SMYD5: variants seen among roughly 807,000 people sequenced by gnomAD.
The protein encoded by SMYD5 is SMYD family member 5.
In SMYD5, 35 loss-of-function variants were observed where a neutral mutation model predicts 57.4. That is an observed-to-expected ratio of 0.61 (90% CI 0.47 to 0.81). SMYD5 has a LOEUF of 0.81. SMYD5 is among the 30% of genes least tolerant of loss of function. The probability of loss-of-function intolerance (pLI) is 0.00; values close to 1 mark genes in which losing one functional copy is unlikely to be tolerated. For synonymous variants in SMYD5, 198 were observed against 189.7 expected (o/e 1.04, Z -0.36); for missense variants, 471 against 527.9 (o/e 0.89, Z 1.06).
intron 7 of SMYD5, 79 bp downstream of exon 7, chr2:73,222,896 T>G (rs1399928679): frequency 6.5e-7 from 1 of 1,528,706 alleles, no homozygotes; most frequent in Non-Finnish European, 9.1e-7. Context: ...CATCTCCTAC[T>G]GGGACAGCTG....
At chr2:73,219,867 T>G in intron 2 of SMYD5, 184 bp from the exon 3 acceptor site, 2 of 760,558 alleles carry the variant, frequency 2.6e-6, no homozygotes, top group Non-Finnish European at 4.7e-6. Context: ...TGCCTTGGGA[T>G]GCACATGAAA....
At chr2:73,225,118 G>T in intron 11 of SMYD5, 158 bp downstream of exon 11, 1 of 596,202 alleles carries the variant, frequency 1.7e-6, no homozygotes. Flanking sequence ...TCATGGTTAG[G>T]TTCTAACCCT....
In SMYD5 at chr2:73,220,799, CTCT is replaced by C. The variant is rs139296342; in HGVS notation, c.467+22_467+24del. 892 of 1,613,186 alleles carry C rather than the reference CTCT, an allele frequency of 5.5e-4. 4 individuals carry two copies. In the East Asian group the frequency reaches 0.016, roughly 28 times the overall value. ...GGCATGGAGGTAGGTTTCTTTTCCT[CTCT>C]TCTTTCCTTTATCCTTTCCTCCCTG... On this transcript the variant is annotated intron_variant, in intron 4 of 12. Transcript: ENST00000389501.
chr2:73,220,594 G>T, intron 3 of SMYD5, 67 bp from the exon 4 acceptor site: 1 of 1,578,730 alleles, frequency 6.3e-7, no homozygotes, highest in South Asian at 1.1e-5. Flanking sequence ...TTTGTGGAAG[G>T]AATGCAGTTA....
At position 73,214,434 on chromosome 2, in the gene SMYD5, T is replaced by C. The variant is rs572906950; in HGVS notation, c.96+72T>C. On this transcript the variant is annotated intron_variant, in intron 1 of 12. Coordinates refer to ENST00000389501, the MANE Select transcript of SMYD5 (RefSeq NM_006062.3). Reference sequence around the variant, plus strand: ...ATGGAGACAGCCCGGCCGGACTCCATGCCCGGAGCCCAGAGGCTTCTGTGC... The same window carrying C: ...ATGGAGACAGCCCGGCCGGACTCCACGCCCGGAGCCCAGAGGCTTCTGTGC... The C allele has an allele frequency of 3.7e-6, 6 of 1,606,966 alleles. No homozygotes were observed. The Admixed American group carries it at 8.4e-5, about 22-fold the overall frequency.
Position 73,223,464 on chromosome 2 carries a change from A to T in SMYD5, c.815A>T (p.Glu272Val). Residue 272 changes from glutamate to valine, a missense_variant, in exon 9 of 13, where the codon GAG becomes GTG. Glu to Val is a moderately radical substitution (Grantham distance 121, BLOSUM62 -2). Coordinates refer to ENST00000389501, the MANE Select transcript of SMYD5 (RefSeq NM_006062.3). ...SQWVHACDTL[E>V]LKPQDREQLD... ...TGGGTCCATGCCTGTGACACTCTGG[A>T]GTTGAAGCCTCAGGACCGTGAGCAG... 1 of 1,614,052 alleles carries T rather than the reference A, an allele frequency of 6.2e-7. No homozygotes were observed. Among genetic ancestry groups the T allele is most frequent in the Non-Finnish European group, 8.5e-7 (1 of 1,179,944 alleles).
rs1388768393 is a variant in SMYD5 at position 73,227,134 on chromosome 2, T to A, written c.*1188T>A. 1 of 152,794 alleles carries A rather than the reference T, an allele frequency of 6.5e-6. No individual in the cohort carries two copies. The highest frequency in any genetic ancestry group is 1.5e-5 in the Non-Finnish European group (1 of 68,148). 9.5% of individuals were successfully genotyped at this position (152,794 alleles called of 1,614,324 possible). ...GCCAGGTGAAACCTGTCTGGCCCCT[T>A]ACCCATTGGGTTCTTACTCCTTCAC... is the stretch of plus-strand genomic sequence containing the variant. On this transcript the variant is annotated 3_prime_UTR_variant, in exon 13 of 13. Transcript: ENST00000389501.
At chr2:73,218,595 T>C (rs1018172498) in intron 1 of SMYD5, among the ~76,000 whole-genome samples, 1 of 152,246 alleles carries the variant, frequency 6.6e-6, no homozygotes, top group Non-Finnish European at 1.5e-5. Flanking sequence ...CTCAGTAATC[T>C]GAGATGGCTG....
intron 11 of SMYD5, 58 bp downstream of exon 11, chr2:73,225,018 C>T (rs1226702399): frequency 3.8e-6 from 5 of 1,328,010 alleles, no homozygotes; most frequent in African/African-American, 1.4e-5. Context: ...AAGTTCTCTG[C>T]AGGGATCAGG....
intron 4 of SMYD5, 115 bp from the exon 5 acceptor site, chr2:73,221,050 C>T: frequency 9.9e-7 from 1 of 1,005,398 alleles, no homozygotes; most frequent in Non-Finnish European, 1.6e-6. Context: ...CTATGACTTT[C>T]CTGGTAATTG....
At chr2:73,221,297 C>T (rs757665692) in intron 5 of SMYD5, 63 bp downstream of exon 5, 43 of 1,321,954 alleles carry the variant, frequency 3.3e-5, no homozygotes, top group Non-Finnish European at 4.7e-5. Context: ...TGGTCTCAGT[C>T]TTTTCCTCAC....
chr2:73,226,230 G>A lies in SMYD5; in HGVS notation c.*284G>A. 4.3e-6 allele frequency: 2 copies of A among 459,908 alleles called. No homozygotes were observed. The highest frequency in any genetic ancestry group is 7.7e-6 in the Non-Finnish European group (2 of 258,978). 28.5% of individuals were successfully genotyped at this position (459,908 alleles called of 1,614,324 possible). On this transcript the variant is annotated 3_prime_UTR_variant, in exon 13 of 13. Coordinates refer to ENST00000389501, the MANE Select transcript of SMYD5 (RefSeq NM_006062.3). ...CCTCCACTCTAGGGTTTGAGGGGCT[G>A]GAATCAGGGCCAGGGCCTAACAGTG...
Position 73,214,710 on chromosome 2 carries a change from A to G in SMYD5, c.96+348A>G, listed in dbSNP as rs1249697848. On this transcript the variant is annotated intron_variant, in intron 1 of 12. Transcript: ENST00000389501. ...TGCCGGGCAGAGAGAACTGAGGTGT[A>G]AAAGAGGGAGTCCTCACGAACTTCA... 9 of 1,369,058 alleles carry G rather than the reference A, an allele frequency of 6.6e-6. No homozygotes were observed. In the East Asian group the frequency reaches 1.2e-4, roughly 19 times the overall value. The allele number at this position is 1,369,058 out of a possible 1,614,324, so 84.8% of individuals were successfully genotyped here. A position where few individuals can be genotyped will look rare whatever the true frequency, so the allele number is the denominator to read the frequency against.
chr2:73,224,821 T>C, intron 10 of SMYD5, 45 bp from the exon 11 acceptor site: 4 of 1,365,486 alleles, frequency 2.9e-6, no homozygotes, highest in Non-Finnish European at 4.1e-6. Flanking sequence ...GAGGCTATTA[T>C]TTTTTTTAGT....
intron 4 of SMYD5, 135 bp from the exon 5 acceptor site, chr2:73,221,029 TA>T: frequency 1.1e-6 from 1 of 884,258 alleles, no homozygotes; most frequent in Non-Finnish European, 1.8e-6. Context: ...AAGTCTTGCC[TA>T]AGTCCTTGTC....
intron 1 of SMYD5, chr2:73,214,762 GGA>G: frequency 7.6e-7 from 1 of 1,318,548 alleles, no homozygotes; most frequent in Non-Finnish European, 1.0e-6. Flanking sequence ...GAGGGGATGA[GGA>G]GAGAGGCCAA....
Position 73,225,893 on chromosome 2 carries a change from G to A in SMYD5, c.1204G>A (p.Glu402Lys). The A allele has an allele frequency of 6.2e-7, 1 of 1,614,216 alleles. No homozygotes were observed. ...AGAGGAAGAGGAAGAGGAGGAGGAGGAGGAAGGAGAGCCAGAAGATGCAGA... is the reference window on the plus strand; with the variant it reads ...AGAGGAAGAGGAAGAGGAGGAGGAGAAGGAAGGAGAGCCAGAAGATGCAGA... ...SEEEEEEEEE[E>K]EGEPEDAELG... The change falls in exon 13 of 13, where the codon GAG (glutamate) becomes AAG (lysine). Residue 402 changes from glutamate to lysine, a missense_variant. Glu to Lys is a moderately conservative substitution (Grantham distance 56, BLOSUM62 1). Coordinates refer to ENST00000389501, the MANE Select transcript of SMYD5 (RefSeq NM_006062.3).
At chr2:73,225,738 G>C (rs949541068) in intron 12 of SMYD5, 37 bp downstream of exon 12, 1 of 1,614,046 alleles carries the variant, frequency 6.2e-7, no homozygotes, top group Non-Finnish European at 8.5e-7. Context: ...GCTGGGCTCT[G>C]GGGTCCTCTA....
Position 73,226,212 on chromosome 2 carries a change from T to C in SMYD5, c.*266T>C, listed in dbSNP as rs998035120. 1.2e-5 allele frequency: 6 copies of C among 498,198 alleles called. No individual in the cohort carries two copies. The highest frequency in any genetic ancestry group is 5.3e-4 in the Middle Eastern group (1 of 1,882). The allele number at this position is 498,198 out of a possible 1,614,324, so 30.9% of individuals were successfully genotyped here. ...TGGCCTCCCCTTGAGGTTCCTCCAC[T>C]CTAGGGTTTGAGGGGCTGGAATCAG... is the stretch of plus-strand genomic sequence containing the variant. On this transcript the variant is annotated 3_prime_UTR_variant, in exon 13 of 13. Transcript: ENST00000389501.
Sources: gnomAD v4.1 joint callset for allele counts (sites outside exome capture counted in the v4.1 genomes callset) on GRCh38, gnomAD v4.1.1 for gene constraint, MANE v1.5 for transcripts, NCBI Gene and HGNC (gene_info 2026-07-23, HGNC 2026-07-21) for gene names.